The following DIO1 variants were observed in gnomAD, a reference collection of about 807,000 sequenced individuals.
DIO1 encodes the protein type I iodothyronine deiodinase.
A neutral mutation model predicts 25.9 loss-of-function variants in DIO1; 17 were observed. That is an observed-to-expected ratio of 0.66 (90% CI 0.45 to 0.98). The LOEUF (loss-of-function observed/expected upper bound fraction) is 0.98, where lower values mean the gene tolerates loss of function less well. Among genes scored for constraint, DIO1 ranks in the 50% least tolerant of loss-of-function variants. DIO1 has a pLI of 0.00. For missense variants in DIO1, 270 were observed against 310.4 expected, an observed-to-expected ratio of 0.87 and a Z score of 0.98; for synonymous variants, 115 against 114.0, an observed-to-expected ratio of 1.01 and a Z score of -0.05.
Position 53,906,274 on chromosome 1 carries a change from G to C in DIO1, c.661G>C (p.Glu221Gln), listed in dbSNP as rs1651651141. The C allele has an allele frequency of 6.2e-7, 1 of 1,613,318 alleles. No homozygotes were observed. Among genetic ancestry groups the C allele is most frequent in the Non-Finnish European group, 8.5e-7 (1 of 1,179,700 alleles). Residue 221 changes from glutamate (E) to glutamine (Q), a missense_variant, in exon 3 of 4, where the codon GAG becomes CAG. Coordinates refer to ENST00000361921, the MANE Select transcript of DIO1 (RefSeq NM_000792.7). Reference protein sequence around the residue: ...ALPERLYIIQEGRILYKGKSG... With the variant: ...ALPERLYIIQQGRILYKGKSG... ...GCCTGAGAGGCTCTACATAATCCAG[G>C]AGGGCAGGATCCTCTACAAGGTGGT... is the stretch of plus-strand genomic sequence containing the variant.
At chr1:53,902,047 T>C (rs1268354906) in intron 1 of DIO1, among the ~76,000 whole-genome samples, 1 of 149,394 alleles carries the variant, frequency 6.7e-6, no homozygotes, top group African/African-American at 2.6e-5. Context: ...TCCCTAACAC[T>C]CCAACCCTTC....
chr1:53,909,091 CA>C (rs60546715), intron 3 of DIO1, among the ~76,000 whole-genome samples: 32,732 of 134,876 alleles, frequency 0.24, 5,622 homozygotes, highest in African/African-American at 0.52. Context: ...GAGACTCTCT[CA>C]AAAAAAAAAA....
At chr1:53,904,567 G>A in intron 1 of DIO1, 99 bp from the exon 2 acceptor site, 1 of 1,462,854 alleles carries the variant, frequency 6.8e-7, no homozygotes, top group Non-Finnish European at 9.3e-7. Flanking sequence ...GGGGTAGGGG[G>A]AAATAAAAAT....
At chr1:53,906,341 G>A in intron 3 of DIO1, 47 bp downstream of exon 3, 17 of 1,520,756 alleles carry the variant, frequency 1.1e-5, no homozygotes, top group Non-Finnish European at 1.4e-5. Context: ...AGGGGCCCAG[G>A]GAGGGCAAGG....
intron 1 of DIO1, 32 bp from the exon 2 acceptor site, chr1:53,904,634 G>T: frequency 6.2e-7 from 1 of 1,606,420 alleles, no homozygotes; most frequent in Non-Finnish European, 8.5e-7. Flanking sequence ...TGTGTGTAGG[G>T]TCTCAGTTTG....
At chr1:53,902,997 T>TTCCACAGCCTCCCTGCTC (rs1553158183) in intron 1 of DIO1, 1 of 150,624 alleles carries the variant, frequency 6.6e-6, no homozygotes, top group Non-Finnish European at 1.5e-5. Flanking sequence ...GGCTCCTGCC[T>TTCCACAGCCTCCCTGCTC]TCCACAGCCT....
intron 3 of DIO1, 101 bp from the exon 4 acceptor site, chr1:53,909,830 C>A: frequency 9.0e-7 from 1 of 1,110,722 alleles, no homozygotes; most frequent in Non-Finnish European, 1.4e-6. Flanking sequence ...CCTACACAGA[C>A]ATCATTTGAC....
At chr1:53,898,137 G>A (rs889417980) in intron 1 of DIO1, among the ~76,000 whole-genome samples, 3 of 152,142 alleles carry the variant, frequency 2.0e-5, no homozygotes, top group African/African-American at 7.2e-5. Flanking sequence ...AAAGCTTCCT[G>A]GAGGAGAGGA....
intron 1 of DIO1, among the ~76,000 whole-genome samples, chr1:53,895,764 C>A (rs1246168004): frequency 6.6e-6 from 1 of 152,236 alleles, no homozygotes; most frequent in Non-Finnish European, 1.5e-5. Flanking sequence ...CTCCCCGCCA[C>A]ACTCATTTCT....
chr1:53,895,873 G>A (rs941176795), intron 1 of DIO1, among the ~76,000 whole-genome samples: 6 of 151,962 alleles, frequency 3.9e-5, no homozygotes, highest in Non-Finnish European at 7.4e-5. Flanking sequence ...CCTCTCCATC[G>A]TCGTCTATAT....
At chr1:53,896,134 G>A (rs1332184463) in intron 1 of DIO1, among the ~76,000 whole-genome samples, 2 of 152,038 alleles carry the variant, frequency 1.3e-5, no homozygotes, top group Middle Eastern at 3.2e-3. Context: ...GCTCGGCCCA[G>A]GGCCTAGATG....
chr1:53,901,325 C>T (rs1210988210), intron 1 of DIO1, among the ~76,000 whole-genome samples: 1 of 152,144 alleles, frequency 6.6e-6, no homozygotes, highest in Non-Finnish European at 1.5e-5. Context: ...CTTGGTCACA[C>T]ACACATATGT....
At chr1:53,895,911 C>T (rs758318043) in intron 1 of DIO1, among the ~76,000 whole-genome samples, 2 of 152,190 alleles carry the variant, frequency 1.3e-5, no homozygotes, top group Non-Finnish European at 2.9e-5. Context: ...GTCCAGCTCT[C>T]CTGACACCTT....
chr1:53,907,534 C>A (rs1440249005), intron 3 of DIO1, among the ~76,000 whole-genome samples: 1 of 152,168 alleles, frequency 6.6e-6, no homozygotes, highest in Non-Finnish European at 1.5e-5. Context: ...ATGGTTCAGG[C>A]ATGATTGAGG....
intron 1 of DIO1, among the ~76,000 whole-genome samples, chr1:53,896,151 G>A (rs1481555303): frequency 6.6e-6 from 1 of 151,948 alleles, no homozygotes; most frequent in Non-Finnish European, 1.5e-5. Context: ...GATGCAGCAG[G>A]TAGAGAAGGC....
chr1:53,904,287 GTTTC>G (rs1405620176), intron 1 of DIO1, among the ~76,000 whole-genome samples: 1 of 152,170 alleles, frequency 6.6e-6, no homozygotes, highest in Non-Finnish European at 1.5e-5. Flanking sequence ...GTAAAACTCA[GTTTC>G]TTTGTCTATA....
chr1:53,894,505 C>A lies in DIO1; in HGVS notation c.295C>A (p.Arg99Ser). 1 of 1,614,042 alleles carries A rather than the reference C, an allele frequency of 6.2e-7. No homozygotes were observed. Among genetic ancestry groups the A allele is most frequent in the Non-Finnish European group, 8.5e-7 (1 of 1,180,018 alleles). The change falls in exon 1 of 4, where the codon CGC (arginine) becomes AGC (serine). Residue 99 changes from arginine to serine, a missense_variant. Arg to Ser is a moderately radical substitution (Grantham distance 110, BLOSUM62 -1). Coordinates refer to ENST00000361921, the MANE Select transcript of DIO1 (RefSeq NM_000792.7). This position sits in a 1 kb window ranked among gnomAD's most constrained non-coding sequence, Gnocchi z 4.9. ...TCTGGCCCCAAACTGCCCGGTGGTC[C>A]GCCTCTCAGGACAGAGGTGCAACAT... The part of the protein sequence containing the change: ...GGLAPNCPVV[R>S]LSGQRCNIWE...
At chr1:53,904,271 A>G (rs1335994233) in intron 1 of DIO1, among the ~76,000 whole-genome samples, 2 of 152,236 alleles carry the variant, frequency 1.3e-5, no homozygotes, top group African/African-American at 2.4e-5. Flanking sequence ...GACCTGGAGC[A>G]AATGTGTAAA....
intron 3 of DIO1, among the ~76,000 whole-genome samples, chr1:53,906,685 C>G (rs940529712): frequency 2.5e-4 from 37 of 150,954 alleles, no homozygotes; most frequent in African/African-American, 7.8e-4. Context: ...GAGACAGACT[C>G]TCACTCTGTT....
Sources: gnomAD v4.1 joint callset for allele counts (sites outside exome capture counted in the v4.1 genomes callset) on GRCh38, gnomAD v4.1.1 for gene constraint, Gnocchi (gnomAD v3.1) non-coding constraint, MANE v1.5 for transcripts, NCBI Gene and HGNC (gene_info 2026-07-23, HGNC 2026-07-21) for gene names.